The following DIP2C variants were observed in gnomAD, a reference collection of about 807,000 sequenced individuals.
DIP2C encodes DIP2 acetate--CoA ligase C (putative).
Under a neutral mutation model 192.4 loss-of-function variants are expected in DIP2C, and 33 were observed. The observed-to-expected ratio is 0.17, with a 90% CI of 0.13 to 0.23. The LOEUF is 0.23. Among genes scored for constraint, DIP2C ranks in the 10% least tolerant of loss-of-function variants. The pLI, the probability that DIP2C is intolerant of heterozygous loss-of-function variation, is 1.00. For synonymous variants in DIP2C, 979 were observed against 864.1 expected, an observed-to-expected ratio of 1.13 and a Z score of -2.33; for missense variants, 1,537 against 2,110.1, an observed-to-expected ratio of 0.73 and a Z score of 5.32.
At chr10:409,977 G>A in intron 8 of DIP2C, among the ~76,000 whole-genome samples, 1 of 152,304 alleles carries the variant, frequency 6.6e-6, no homozygotes, top group East Asian at 1.9e-4. Flanking sequence ...CTGTAATAGT[G>A]TAATAAAGGT....
intron 1 of DIP2C, among the ~76,000 whole-genome samples, chr10:574,507 A>C (rs1186268443): frequency 6.6e-6 from 1 of 152,194 alleles, no homozygotes; most frequent in Non-Finnish European, 1.5e-5. Context: ...GCCCAGCTAA[A>C]TGGAAACAGG....
Position 419,111 on chromosome 10 carries a change from C to T in DIP2C, c.693G>A (p.Arg231=), listed in dbSNP as rs751210278. Residue 231 remains arginine, a synonymous_variant, in exon 6 of 37, where the codon CGG becomes CGA. Coordinates refer to ENST00000280886, the MANE Select transcript of DIP2C (RefSeq NM_014974.3). ...VERPQGSTGS[R]TAPKYGNAEL... is the part of the protein sequence containing the mutation. ...CGGCGTTGCCGTACTTGGGCGCTGT[C>T]CGGGACCCCGTGGAACCCTGCGGTC... 3 of 1,614,272 alleles carry T rather than the reference C, an allele frequency of 1.9e-6. No homozygotes were observed. Among genetic ancestry groups the T allele is most frequent in the Admixed American group, 1.7e-5 (1 of 60,034 alleles).
chr10:501,633 G>A (rs1265884638), intron 1 of DIP2C, among the ~76,000 whole-genome samples: 2 of 151,938 alleles, frequency 1.3e-5, no homozygotes, highest in Non-Finnish European at 2.9e-5. Context: ...GAATATGATC[G>A]TATTACAAGG....
rs1328216012 is a variant in DIP2C, at chr10:666,873, T to C, written c.85+22621A>G. The C allele has an allele frequency of 6.6e-6, 1 of 152,212 alleles. No homozygotes were observed. Among genetic ancestry groups the C allele is most frequent in the East Asian group, 1.9e-4 (1 of 5,188 alleles). The allele number at this position is 152,212 out of a possible 1,614,324, so 9.4% of individuals were successfully genotyped here. A position where few individuals can be genotyped will look rare whatever the true frequency, so the allele number is the denominator to read the frequency against. Reference sequence around the variant, plus strand: ...GCCGGCAAGCTGCCCCAAGAAGCAGTGCGCCTCCCAAAATCAGAAGCAGCT... The same window carrying C: ...GCCGGCAAGCTGCCCCAAGAAGCAGCGCGCCTCCCAAAATCAGAAGCAGCT... On this transcript the variant is annotated intron_variant, in intron 1 of 36. Coordinates refer to ENST00000280886, the MANE Select transcript of DIP2C (RefSeq NM_014974.3). The surrounding 1 kb of genome is among the most constrained non-coding windows in gnomAD (Gnocchi z 4.1).
At chr10:573,555 T>TGC (rs1336001533) in intron 1 of DIP2C, among the ~76,000 whole-genome samples, 5 of 152,084 alleles carry the variant, frequency 3.3e-5, no homozygotes, top group African/African-American at 1.2e-4. Flanking sequence ...ACTACAGGTG[T>TGC]GCAACCCTCA....
intron 17 of DIP2C, among the ~76,000 whole-genome samples, chr10:377,639 G>A (rs1961781450): frequency 6.6e-6 from 1 of 152,158 alleles, no homozygotes; most frequent in Non-Finnish European, 1.5e-5. Context: ...GCTCACTTCG[G>A]ATCCACTTTG....
chr10:610,358 G>T (rs951859905), intron 1 of DIP2C, among the ~76,000 whole-genome samples: 1 of 152,140 alleles, frequency 6.6e-6, no homozygotes, highest in African/African-American at 2.4e-5. Flanking sequence ...AGCCTGACAG[G>T]AGCACAAGAT....
At chr10:619,549 A>T (rs934092992) in intron 1 of DIP2C, among the ~76,000 whole-genome samples, 8 of 14,622 alleles carry the variant, frequency 5.5e-4, no homozygotes, top group African/African-American at 1.9e-3. Flanking sequence ...CCGCCCTCCC[A>T]CCCAGCTCCT....
At chr10:619,801 CAG>C (rs987392587) in intron 1 of DIP2C, among the ~76,000 whole-genome samples, 2 of 152,154 alleles carry the variant, frequency 1.3e-5, no homozygotes, top group South Asian at 2.1e-4. Context: ...TCTGCAGCGC[CAG>C]AGAGTCCTGG....
In DIP2C at chr10:311,650, A is replaced by T. The variant is rs1956571526; in HGVS notation, c.3925-1558T>A. On this transcript the variant is annotated intron_variant, in intron 31 of 36. Coordinates refer to ENST00000280886, the MANE Select transcript of DIP2C (RefSeq NM_014974.3). Reference sequence around the variant, plus strand: ...CAACACACACAACACACACAGACACATACGACCCGACAGTGAAAAATGGGA... The same window carrying T: ...CAACACACACAACACACACAGACACTTACGACCCGACAGTGAAAAATGGGA... The T allele has an allele frequency of 2.7e-6, 3 of 1,128,710 alleles. No homozygotes were observed. In the Admixed American group the frequency reaches 1.3e-4, roughly 48 times the overall value. The allele number at this position is 1,128,710 out of a possible 1,614,324, so 69.9% of individuals were successfully genotyped here. A position where few individuals can be genotyped will look rare whatever the true frequency, so the allele number is the denominator to read the frequency against.
intron 1 of DIP2C, among the ~76,000 whole-genome samples, chr10:508,885 G>A (rs974978829): frequency 6.6e-6 from 1 of 152,196 alleles, no homozygotes; most frequent in Non-Finnish European, 1.5e-5. Context: ...TGTTCCAACA[G>A]CAGTGCTGGA....
At chr10:317,369 G>A (rs2132365282) in intron 31 of DIP2C, among the ~76,000 whole-genome samples, 1 of 152,352 alleles carries the variant, frequency 6.6e-6, no homozygotes, top group Middle Eastern at 3.4e-3. Flanking sequence ...GCTTTGAGTG[G>A]CACAGCAGAG....
chr10:594,518 G>A (rs1851587479), intron 1 of DIP2C, among the ~76,000 whole-genome samples: 1 of 152,140 alleles, frequency 6.6e-6, no homozygotes. Flanking sequence ...CAACGTAAGG[G>A]AACATGGCCG....
At chr10:612,921 C>T (rs1286539599) in intron 1 of DIP2C, among the ~76,000 whole-genome samples, 6 of 152,154 alleles carry the variant, frequency 3.9e-5, no homozygotes, top group African/African-American at 1.4e-4. Context: ...CTGTTAAATG[C>T]ATGTAAAATT....
At chr10:451,250 C>A (rs963582674) in intron 3 of DIP2C, among the ~76,000 whole-genome samples, 1 of 152,080 alleles carries the variant, frequency 6.6e-6, no homozygotes, top group Non-Finnish European at 1.5e-5. Context: ...CAGTGCAGTC[C>A]TACAAACAGA....
intron 2 of DIP2C, among the ~76,000 whole-genome samples, chr10:480,540 G>C (rs566246163): frequency 6.6e-6 from 1 of 152,334 alleles, no homozygotes; most frequent in East Asian, 1.9e-4. Context: ...TCACCATCAG[G>C]ACCGGGCCTT....
chr10:584,554 C>T (rs1176713292), intron 1 of DIP2C, among the ~76,000 whole-genome samples: 2 of 120,286 alleles, frequency 1.7e-5, no homozygotes, highest in Non-Finnish European at 3.3e-5. Flanking sequence ...GGCACCACCT[C>T]TCTAGTCTCG....
intron 32 of DIP2C, among the ~76,000 whole-genome samples, chr10:294,840 C>A (rs1172102923): frequency 6.6e-6 from 1 of 151,994 alleles, no homozygotes; most frequent in Non-Finnish European, 1.5e-5. Context: ...AACTTAAAAG[C>A]TTCTGCACAG....
chr10:447,801 A>AG (rs1968403466), intron 3 of DIP2C, among the ~76,000 whole-genome samples: 1 of 119,288 alleles, frequency 8.4e-6, no homozygotes, highest in Non-Finnish European at 1.6e-5. Context: ...ACAGTGGGGC[A>AG]GCAGGACCCG....
Sources: allele counts gnomAD v4.1 joint callset (sites outside exome capture counted in the v4.1 genomes callset), GRCh38; gene constraint gnomAD v4.1.1; non-coding constraint Gnocchi (gnomAD v3.1); transcripts MANE v1.5; gene names NCBI Gene and HGNC (gene_info 2026-07-23, HGNC 2026-07-21).